The following SCFD2 variants were observed in gnomAD, a reference collection of about 807,000 sequenced individuals.
SCFD2 encodes sec1 family domain containing 2.
Under a neutral mutation model 58.9 loss-of-function variants are expected in SCFD2, and 54 were observed. The ratio of observed to expected loss-of-function variants is 0.92; its 90% CI spans 0.74 to 1.15. SCFD2 has a LOEUF of 1.15. SCFD2 is among the 50% of genes most tolerant of loss of function. SCFD2 has a pLI of 0.00. For missense variants in SCFD2, 805 were observed against 836.6 expected (o/e 0.96, Z 0.47); for synonymous variants, 321 against 335.9 (o/e 0.96, Z 0.49).
chr4:53,035,107 G>C (rs1038797890), intron 5 of SCFD2, among the ~76,000 whole-genome samples: 3 of 152,138 alleles, frequency 2.0e-5, no homozygotes, highest in Non-Finnish European at 4.4e-5. Context: ...AAACAGCATG[G>C]TACTGGTACC....
intron 5 of SCFD2, among the ~76,000 whole-genome samples, chr4:53,011,264 C>T (rs1302219529): frequency 6.6e-6 from 1 of 151,964 alleles, no homozygotes; most frequent in Non-Finnish European, 1.5e-5. Flanking sequence ...TTTTTTTCCC[C>T]CCCAAAGAAG....
rs190809875 is a variant in SCFD2, at chr4:53,216,680, T to C, written c.1311+57146A>G. Among the ~76,000 whole-genome samples, 122 of 152,352 alleles carry C rather than the reference T, an allele frequency of 8.0e-4. 1 individual carries two copies. The East Asian group carries it at 0.017, about 22-fold the overall frequency. ...GCTCTGATCTTAGTTATTTCTCGCCTTCTGCTAGCTTTTGAATGTGTTTGC... is the reference window on the plus strand; with the variant it reads ...GCTCTGATCTTAGTTATTTCTCGCCCTCTGCTAGCTTTTGAATGTGTTTGC... On this transcript the variant is annotated intron_variant, in intron 4 of 8. Coordinates refer to ENST00000401642, the MANE Select transcript of SCFD2 (RefSeq NM_152540.4).
Position 53,071,715 on chromosome 4 carries a change from A to G in SCFD2, c.1561+73618T>C, listed in dbSNP as rs569637273. Among the ~76,000 whole-genome samples the G allele has an allele frequency of 1.1e-4, 16 of 152,226 alleles. 1 individual carries two copies. The highest frequency in any genetic ancestry group is 1.0e-3 in the South Asian group (5 of 4,824). Reference sequence around the variant, plus strand: ...ATTCCAATGACTGTAGTACATGTACAGGTATCCTCCAGTTTTGTAAAAAAA... The same window carrying G: ...ATTCCAATGACTGTAGTACATGTACGGGTATCCTCCAGTTTTGTAAAAAAA... On this transcript the variant is annotated intron_variant, in intron 5 of 8. Transcript: ENST00000401642.
chr4:53,247,649 G>A (rs1212139038), intron 4 of SCFD2, among the ~76,000 whole-genome samples: 1 of 151,410 alleles, frequency 6.6e-6, no homozygotes, highest in Non-Finnish European at 1.5e-5. Context: ...CATGAGGTCA[G>A]GAGATCGAGA....
chr4:52,919,928 T>C (rs1719695790), intron 6 of SCFD2, among the ~76,000 whole-genome samples: 1 of 152,388 alleles, frequency 6.6e-6, no homozygotes, highest in East Asian at 1.9e-4. Context: ...GAGTTTATTT[T>C]ACTAAAGGTT....
At chr4:52,920,071 G>A (rs1053228102) in intron 6 of SCFD2, among the ~76,000 whole-genome samples, 2 of 152,146 alleles carry the variant, frequency 1.3e-5, no homozygotes, top group African/African-American at 4.8e-5. Flanking sequence ...GTCCAACAAA[G>A]ACTCCCCAGC....
intron 2 of SCFD2, among the ~76,000 whole-genome samples, chr4:53,322,911 C>T (rs1733068680): frequency 6.6e-6 from 1 of 152,198 alleles, no homozygotes; most frequent in African/African-American, 2.4e-5. Context: ...TGTCAAGGAA[C>T]TCTAGGACAA....
intron 5 of SCFD2, among the ~76,000 whole-genome samples, chr4:53,096,206 GATTT>G (rs1470879384): frequency 1.3e-5 from 2 of 152,208 alleles, no homozygotes; most frequent in African/African-American, 2.4e-5. Context: ...ATAGCGGCAT[GATTT>G]ATAATTCTTT....
chr4:53,062,477 T>C (rs1381825588), intron 5 of SCFD2, among the ~76,000 whole-genome samples: 2 of 152,160 alleles, frequency 1.3e-5, no homozygotes, highest in African/African-American at 4.8e-5. Flanking sequence ...TAGACAACAG[T>C]TGATTTAGAA....
chr4:52,979,930 C>A (rs1260433812), intron 5 of SCFD2, among the ~76,000 whole-genome samples: 2 of 152,028 alleles, frequency 1.3e-5, no homozygotes, highest in East Asian at 1.9e-4. Flanking sequence ...TTCTCTGTTC[C>A]CCTCATTTAG....
chr4:53,052,423 T>G (rs963548963), intron 5 of SCFD2, among the ~76,000 whole-genome samples: 5 of 152,238 alleles, frequency 3.3e-5, no homozygotes, highest in Non-Finnish European at 1.5e-5. Flanking sequence ...CATGTCCCAG[T>G]GACTGGCATC....
At chr4:53,004,060 C>T (rs1239338591) in intron 5 of SCFD2, among the ~76,000 whole-genome samples, 1 of 152,172 alleles carries the variant, frequency 6.6e-6, no homozygotes, top group Non-Finnish European at 1.5e-5. Context: ...CTCTGTGAGG[C>T]CTTCCTTTTA....
intron 4 of SCFD2, among the ~76,000 whole-genome samples, chr4:53,259,294 T>TA (rs1011809632): frequency 1.3e-5 from 2 of 152,208 alleles, no homozygotes; most frequent in African/African-American, 4.8e-5. Flanking sequence ...AGTCTTTGCC[T>TA]AAGCCAATAT....
At chr4:52,883,718 T>C (rs1418213149) in intron 8 of SCFD2, among the ~76,000 whole-genome samples, 1 of 152,110 alleles carries the variant, frequency 6.6e-6, no homozygotes, top group Non-Finnish European at 1.5e-5. Context: ...TGGTTTCTGA[T>C]GAAAAAAGAA....
At chr4:52,910,821 C>T (rs1719466765) in intron 6 of SCFD2, among the ~76,000 whole-genome samples, 1 of 152,032 alleles carries the variant, frequency 6.6e-6, no homozygotes, top group African/African-American at 2.4e-5. Flanking sequence ...TTATGAGATC[C>T]GATGGTTTTA....
chr4:53,258,536 GTGTATATATATA>G (rs1730721007), intron 4 of SCFD2, among the ~76,000 whole-genome samples: 2 of 91,704 alleles, frequency 2.2e-5, no homozygotes, highest in South Asian at 8.4e-4. Flanking sequence ...CATGGTGTGT[GTGTATATATATA>G]TATATATATA....
rs143376023 is a variant in SCFD2 at position 52,966,853 on chromosome 4, A to G, written c.1562-45983T>C. Among the ~76,000 whole-genome samples the G allele has an allele frequency of 9.1e-3, 1,393 of 152,332 alleles. 27 individuals carry two copies. The highest frequency in any genetic ancestry group is 0.032 in the African/African-American group (1,335 of 41,564). On this transcript the variant is annotated intron_variant, in intron 5 of 8. Transcript: ENST00000401642. Reference sequence around the variant, plus strand: ...AAATTGTGTAAAGCTCATGTATATAACATAAAATTTACCATTGTAGCCATT... The same window carrying G: ...AAATTGTGTAAAGCTCATGTATATAGCATAAAATTTACCATTGTAGCCATT...
intron 4 of SCFD2, among the ~76,000 whole-genome samples, chr4:53,242,741 G>C (rs895136219): frequency 3.3e-5 from 5 of 152,184 alleles, no homozygotes; most frequent in African/African-American, 1.2e-4. Context: ...ACAATAAAAT[G>C]ATACAGGAGC....
chr4:53,068,812 T>C (rs893388776), intron 5 of SCFD2, among the ~76,000 whole-genome samples: 1 of 152,074 alleles, frequency 6.6e-6, no homozygotes, highest in African/African-American at 2.4e-5. Flanking sequence ...CTTTTACATA[T>C]ATTTAAAAAA....
Sources: allele counts gnomAD v4.1 joint callset (sites outside exome capture counted in the v4.1 genomes callset), GRCh38; gene constraint gnomAD v4.1.1; transcripts MANE v1.5; gene names NCBI Gene and HGNC (gene_info 2026-07-23, HGNC 2026-07-21).